TAFA5: variants seen among roughly 807,000 people sequenced by gnomAD.
TAFA5 encodes the protein chemokine-like protein TAFA-5.
TAFA5 carries 6 observed loss-of-function variants against 15.3 expected under a neutral mutation model. The ratio of observed to expected loss-of-function variants is 0.39; its 90% CI spans 0.21 to 0.77. The LOEUF (loss-of-function observed/expected upper bound fraction) is 0.77, where lower values mean the gene tolerates loss of function less well. TAFA5 is among the 30% of genes least tolerant of loss of function. TAFA5 has a pLI of 0.41. For synonymous variants in TAFA5, 103 were observed against 80.7 expected (o/e 1.28, Z -1.48); for missense variants, 161 against 193.1 (o/e 0.83, Z 0.98).
At chr22:48,629,684 C>T (rs143396950) in intron 1 of TAFA5, among the ~76,000 whole-genome samples, 80 of 152,334 alleles carry the variant, frequency 5.3e-4, no homozygotes, top group African/African-American at 1.8e-3. Context: ...GTTGTTCCAA[C>T]GTGGGATGCA....
intron 1 of TAFA5, among the ~76,000 whole-genome samples, chr22:48,520,905 T>G (rs1921579775): frequency 6.6e-6 from 1 of 151,782 alleles, no homozygotes; most frequent in African/African-American, 2.4e-5. Flanking sequence ...GGTCGCAGGG[T>G]GGGATGACAG....
At chr22:48,647,976 G>T (rs905172016) in intron 2 of TAFA5, among the ~76,000 whole-genome samples, 9 of 152,206 alleles carry the variant, frequency 5.9e-5, no homozygotes, top group African/African-American at 2.2e-4. Context: ...CCCGGTAGGG[G>T]CAGAGGCCCT....
At chr22:48,606,417 G>T (rs1485391361) in intron 1 of TAFA5, among the ~76,000 whole-genome samples, 1 of 152,220 alleles carries the variant, frequency 6.6e-6, no homozygotes, top group Admixed American at 6.5e-5. Context: ...GGTTTAAGCA[G>T]CAGGCAGGAT....
Position 48,731,007 on chromosome 22 carries a change from G to C in TAFA5, c.391-18832G>C, listed in dbSNP as rs5771754. Among the ~76,000 whole-genome samples the C allele has an allele frequency of 4.7e-3, 709 of 152,310 alleles. 3 individuals are homozygous for C. The highest frequency in any genetic ancestry group is 0.016 in the African/African-American group (663 of 41,560). Reference sequence around the variant, plus strand: ...GCTGAATGCTAGGCCTCTCGCACCAGTCAGCCAAGTTGTAGAGCAAAGGAT... The same window carrying C: ...GCTGAATGCTAGGCCTCTCGCACCACTCAGCCAAGTTGTAGAGCAAAGGAT... On this transcript the variant is annotated intron_variant, in intron 3 of 3. Coordinates refer to ENST00000402357, the MANE Select transcript of TAFA5 (RefSeq NM_001082967.3).
intron 1 of TAFA5, among the ~76,000 whole-genome samples, chr22:48,590,340 T>G (rs1924519340): frequency 6.6e-6 from 1 of 152,222 alleles, no homozygotes; most frequent in Non-Finnish European, 1.5e-5. Flanking sequence ...GCAAGATGGT[T>G]TTATGCGGAT....
In TAFA5 at chr22:48,597,320, T is replaced by C. The variant is rs559406060; in HGVS notation, c.113-49277T>C. On this transcript the variant is annotated intron_variant, in intron 1 of 3. Transcript: ENST00000402357. The stretch of plus-strand genomic sequence containing the variant: ...GCTGTTCCCCTCTCTACCGGCTGGC[T>C]CATATGCAGAGTGTCCTGGGAGCCA... 1.1e-4 allele frequency among the ~76,000 whole-genome samples: 16 copies of C among 150,804 alleles called. No individual in the cohort carries two copies. The East Asian group carries it at 3.1e-3, about 30-fold the overall frequency.
intron 1 of TAFA5, chr22:48,546,837 C>T (rs1457680430): frequency 3.3e-6 from 1 of 307,202 alleles, no homozygotes; most frequent in Admixed American, 4.4e-5. Flanking sequence ...AGGCTCCACC[C>T]TCTCGTGCGG....
At chr22:48,594,801 C>T (rs555521703) in intron 1 of TAFA5, among the ~76,000 whole-genome samples, 7 of 152,192 alleles carry the variant, frequency 4.6e-5, no homozygotes, top group South Asian at 2.1e-4. Context: ...TAAGGACGGG[C>T]GCCCTGCCAG....
chr22:48,579,640 C>T (rs1456854334), intron 1 of TAFA5, among the ~76,000 whole-genome samples: 1 of 152,220 alleles, frequency 6.6e-6, no homozygotes, highest in East Asian at 1.9e-4. Context: ...AAATATTTTC[C>T]ACCTCCCTCT....
rs766678167 is a variant in TAFA5 at position 48,570,758 on chromosome 22, A to G, written c.113-75839A>G. Among the ~76,000 whole-genome samples, 151 of 152,310 alleles carry G rather than the reference A, an allele frequency of 9.9e-4. 1 individual carries two copies. The highest frequency in any genetic ancestry group is 7.9e-4 in the Non-Finnish European group (54 of 68,028). On this transcript the variant is annotated intron_variant, in intron 1 of 3. Transcript: ENST00000402357. ...CGCTTTCTACTATTAATTTGTGTAC[A>G]TGTTGGTTTTAAAATTTGAATGGAA...
chr22:48,707,153 AT>A (rs1929103926), intron 2 of TAFA5, among the ~76,000 whole-genome samples: 1 of 151,226 alleles, frequency 6.6e-6, no homozygotes, highest in South Asian at 2.1e-4. Flanking sequence ...TCAGCCGGGC[AT>A]CTGCAGATGA....
chr22:48,536,951 C>T (rs537805765), intron 1 of TAFA5, among the ~76,000 whole-genome samples: 4 of 152,306 alleles, frequency 2.6e-5, no homozygotes, highest in South Asian at 2.1e-4. Context: ...TGAGTTCTGT[C>T]GTCTGCAGAG....
intron 3 of TAFA5, among the ~76,000 whole-genome samples, chr22:48,735,701 C>T (rs1929988895): frequency 6.6e-6 from 1 of 152,088 alleles, no homozygotes. Context: ...ATGGAGTTAC[C>T]AAGGGAGGCA....
intron 1 of TAFA5, among the ~76,000 whole-genome samples, chr22:48,615,467 A>G (rs539517585): frequency 3.4e-4 from 52 of 152,310 alleles, no homozygotes; most frequent in African/African-American, 1.1e-3. Flanking sequence ...GGCTTCGCCT[A>G]GCTGTGGGGG....
intron 2 of TAFA5, among the ~76,000 whole-genome samples, chr22:48,678,191 G>A (rs866247634): frequency 1.3e-5 from 2 of 152,166 alleles, no homozygotes; most frequent in African/African-American, 4.8e-5. Context: ...TCCCTCTGCT[G>A]AGGGCTTCTG....
rs910269498 is a variant in TAFA5 at position 48,539,494 on chromosome 22, C to T, written c.112+49790C>T. On this transcript the variant is annotated intron_variant, in intron 1 of 3. Coordinates refer to ENST00000402357, the MANE Select transcript of TAFA5 (RefSeq NM_001082967.3). ...TTATTGTGTTGACTTTTCTTAAAGA[C>T]GGAGTTACATTTAGACGGGTGCAGT... The T allele has an allele frequency of 3.6e-5, 17 of 470,976 alleles. 1 individual carries two copies. Among genetic ancestry groups the T allele is most frequent in the African/African-American group, 1.8e-4 (9 of 50,084 alleles). 29.2% of individuals were successfully genotyped at this position (470,976 alleles called of 1,614,324 possible). A position where few individuals can be genotyped will look rare whatever the true frequency, so the allele number is the denominator to read the frequency against.
intron 1 of TAFA5, among the ~76,000 whole-genome samples, chr22:48,616,513 C>T (rs777311754): frequency 1.3e-5 from 2 of 152,172 alleles, no homozygotes; most frequent in African/African-American, 2.4e-5. Context: ...TCGGGATGCT[C>T]CTGGAGCCTG....
At position 48,583,476 on chromosome 22, in the gene TAFA5, C is replaced by T. The variant is rs149523657; in HGVS notation, c.113-63121C>T. On this transcript the variant is annotated intron_variant, in intron 1 of 3. Coordinates refer to ENST00000402357, the MANE Select transcript of TAFA5 (RefSeq NM_001082967.3). ...CAAAATATACACATACCACACACCA[C>T]ATACAAAATACACCACACACCACAC... is the stretch of plus-strand genomic sequence containing the variant. 4.0e-3 allele frequency among the ~76,000 whole-genome samples: 587 copies of T among 145,664 alleles called. 39 individuals are homozygous for T. The East Asian group carries it at 0.11, about 26-fold the overall frequency.
intron 1 of TAFA5, among the ~76,000 whole-genome samples, chr22:48,526,561 C>A (rs1921788906): frequency 6.6e-6 from 1 of 152,212 alleles, no homozygotes; most frequent in Non-Finnish European, 1.5e-5. Context: ...CAAGGCTGAC[C>A]ATACAGGGCG....
Sources: allele counts gnomAD v4.1 joint callset (sites outside exome capture counted in the v4.1 genomes callset), GRCh38; gene constraint gnomAD v4.1.1; transcripts MANE v1.5; gene names NCBI Gene and HGNC (gene_info 2026-07-23, HGNC 2026-07-21).